NAV2: variants seen among roughly 807,000 people sequenced by gnomAD.
The protein encoded by NAV2 is helicase, APC down-regulated 1.
Under a neutral mutation model 223.2 loss-of-function variants are expected in NAV2, and 54 were observed. That is an observed-to-expected ratio of 0.24 (90% CI 0.19 to 0.30). The LOEUF is 0.30. Ranked by LOEUF, NAV2 falls within the 10% of genes least tolerant of loss-of-function variation. The pLI is 1.00. For missense variants in NAV2, 2,806 were observed against 3,147.5 expected (o/e 0.89, Z 2.60); for synonymous variants, 1,279 against 1,239.3 (o/e 1.03, Z -0.67).
intron 1 of NAV2, among the ~76,000 whole-genome samples, chr11:19,436,897 T>G (rs930257444): frequency 6.6e-6 from 1 of 152,204 alleles, no homozygotes; most frequent in African/African-American, 2.4e-5. Flanking sequence ...TGTTAGTGTA[T>G]AGAAATGCTA....
chr11:20,097,715 G>C lies in NAV2; in HGVS notation c.6151G>C (p.Glu2051Gln). ...ELLPCGYLVG[E>Q]NTTISVTVKG... ...GCTTCCTTGTGGCTATCTGGTTGGA[G>C]AGAACACGACCATCTCAGTGACTGT... The change falls in exon 31 of 38, where the codon GAG (glutamate) becomes CAG (glutamine). Residue 2051 changes from glutamate to glutamine, a missense_variant. Glu to Gln is a conservative substitution (Grantham distance 29). Transcript: ENST00000349880. 6.2e-7 allele frequency: 1 copy of C among 1,609,038 alleles called. No homozygotes were observed. Among genetic ancestry groups the C allele is most frequent in the Non-Finnish European group, 8.5e-7 (1 of 1,178,684 alleles).
intron 1 of NAV2, among the ~76,000 whole-genome samples, chr11:19,513,904 A>G (rs781184749): frequency 5.9e-5 from 9 of 152,204 alleles, no homozygotes; most frequent in Non-Finnish European, 1.2e-4. Context: ...GGCCACTACC[A>G]GAAGCTAGGA....
At chr11:20,106,175 A>ATATATATGTGTGTGTGTG (rs11267537) in intron 35 of NAV2, among the ~76,000 whole-genome samples, 3,080 of 35,718 alleles carry the variant, frequency 0.086, 776 homozygotes, top group South Asian at 0.15. Context: ...ATATATATAT[A>ATATATATGTGTGTGTGTG]TGTGTGTGTA....
At position 19,753,234 on chromosome 11, in the gene NAV2, A is replaced by G. The variant is rs141540078; in HGVS notation, c.267+39272A>G. 2.4e-3 allele frequency among the ~76,000 whole-genome samples: 369 copies of G among 152,246 alleles called. 1 individual carries two copies. Among genetic ancestry groups the G allele is most frequent in the Middle Eastern group, 0.014 (4 of 294 alleles). On this transcript the variant is annotated intron_variant, in intron 1 of 37. Coordinates refer to ENST00000349880, the MANE Select transcript of NAV2 (RefSeq NM_145117.5). ...CCCACTTCATGAGTCCTTCACTTGTACTTATTAGAATGGTACCTTCATCTT... is the reference window on the plus strand; with the variant it reads ...CCCACTTCATGAGTCCTTCACTTGTGCTTATTAGAATGGTACCTTCATCTT...
intron 1 of NAV2, among the ~76,000 whole-genome samples, chr11:19,492,845 T>C (rs2042674062): frequency 6.6e-6 from 1 of 152,176 alleles, no homozygotes; most frequent in African/African-American, 2.4e-5. Context: ...TGGATGCCTA[T>C]ATTTTCACCG....
chr11:19,965,782 TG>T (rs1171822903), intron 10 of NAV2, among the ~76,000 whole-genome samples: 1 of 152,258 alleles, frequency 6.6e-6, no homozygotes, highest in Non-Finnish European at 1.5e-5. Flanking sequence ...ATTATGTTCA[TG>T]GGGTCTCTGC....
chr11:19,594,316 G>A (rs2046143654), intron 1 of NAV2, among the ~76,000 whole-genome samples: 1 of 152,070 alleles, frequency 6.6e-6, no homozygotes, highest in Non-Finnish European at 1.5e-5. Flanking sequence ...GTGTCATTAA[G>A]TTTCTGTAAG....
At chr11:20,056,018 AGTTAAGG>A in intron 19 of NAV2, 61 bp downstream of exon 19, 1 of 1,492,560 alleles carries the variant, frequency 6.7e-7, no homozygotes, top group Non-Finnish European at 9.1e-7. Flanking sequence ...TACTCAGTGT[AGTTAAGG>A]GTCCTCTATG....
At chr11:20,063,220 A>G (rs1356155472) in intron 20 of NAV2, among the ~76,000 whole-genome samples, 1 of 152,220 alleles carries the variant, frequency 6.6e-6, no homozygotes, top group Non-Finnish European at 1.5e-5. Flanking sequence ...AACAATGAAT[A>G]TAGTACACAC....
At chr11:20,060,297 C>G (rs2058621161) in intron 19 of NAV2, among the ~76,000 whole-genome samples, 1 of 152,268 alleles carries the variant, frequency 6.6e-6, no homozygotes, top group Non-Finnish European at 1.5e-5. Context: ...CTTCACCCAG[C>G]TTGGCCTCCA....
chr11:19,537,314 C>T (rs1005196729), intron 1 of NAV2, among the ~76,000 whole-genome samples: 3 of 152,132 alleles, frequency 2.0e-5, no homozygotes, highest in Non-Finnish European at 4.4e-5. Context: ...ATAAACTGCC[C>T]AGTGTGCTAG....
chr11:19,373,124 G>T (rs1039332814), intron 1 of NAV2, among the ~76,000 whole-genome samples: 6 of 152,160 alleles, frequency 3.9e-5, no homozygotes, highest in African/African-American at 1.4e-4. Context: ...ATGTTAATAA[G>T]GTCTTCTCTT....
chr11:19,508,510 T>TC (rs1210319116), intron 1 of NAV2, among the ~76,000 whole-genome samples: 1 of 152,146 alleles, frequency 6.6e-6, no homozygotes, highest in African/African-American at 2.4e-5. Flanking sequence ...GGGCTTCTCT[T>TC]CGCAGTTCTC....
intron 1 of NAV2, among the ~76,000 whole-genome samples, chr11:19,645,269 C>G (rs2047782757): frequency 6.6e-6 from 1 of 152,182 alleles, no homozygotes; most frequent in Non-Finnish European, 1.5e-5. Flanking sequence ...CTCCCTCATG[C>G]TGCATCACTC....
intron 1 of NAV2, among the ~76,000 whole-genome samples, chr11:19,792,363 C>T (rs888034665): frequency 2.6e-5 from 4 of 152,206 alleles, no homozygotes; most frequent in Non-Finnish European, 5.9e-5. Flanking sequence ...TCCTGCCCTC[C>T]GAAGGATTTG....
chr11:19,855,091 C>T (rs933796822), intron 3 of NAV2, among the ~76,000 whole-genome samples: 2 of 152,022 alleles, frequency 1.3e-5, no homozygotes, highest in Non-Finnish European at 2.9e-5. Context: ...CTCTGTGCCT[C>T]CATTTCCCCA....
In NAV2 at chr11:19,388,759, C is replaced by T. The variant is rs562001645; in HGVS notation, c.75+37732C>T. Reference sequence around the variant, plus strand: ...TTGTAGGTATCACCCCTAAAATTCACGATAGCCATAGTTTATTGAACACCT... The same window carrying T: ...TTGTAGGTATCACCCCTAAAATTCATGATAGCCATAGTTTATTGAACACCT... On this transcript the variant is annotated intron_variant, in intron 1 of 37. Coordinates refer to the NAV2 transcript ENST00000360655. 1.7e-4 allele frequency among the ~76,000 whole-genome samples: 26 copies of T among 152,284 alleles called. 1 individual carries two copies. Among genetic ancestry groups the T allele is most frequent in the Admixed American group, 1.4e-3 (22 of 15,298 alleles).
chr11:19,855,398 A>T (rs1203196585), intron 3 of NAV2, among the ~76,000 whole-genome samples: 1 of 152,176 alleles, frequency 6.6e-6, no homozygotes, highest in Admixed American at 6.5e-5. Flanking sequence ...GAAATCCTTG[A>T]TTCCCCTGTC....
chr11:20,092,784 T>G (rs1333106688), intron 28 of NAV2, among the ~76,000 whole-genome samples: 1 of 152,202 alleles, frequency 6.6e-6, no homozygotes, highest in Non-Finnish European at 1.5e-5. Flanking sequence ...AATCTAGGTT[T>G]TCTTTGTAAG....
Sources: gnomAD v4.1 joint callset for allele counts (sites outside exome capture counted in the v4.1 genomes callset) on GRCh38, gnomAD v4.1.1 for gene constraint, MANE v1.5 for transcripts, NCBI Gene and HGNC (gene_info 2026-07-23, HGNC 2026-07-21) for gene names.